Variants in CHCHD3 observed in about 807,000 individuals in gnomAD.
CHCHD3 encodes the protein coiled-coil-helix-coiled-coil-helix domain containing 3, also known as MICOS complex subunit MIC19.
Under a neutral mutation model 38.2 loss-of-function variants are expected in CHCHD3, and 20 were observed. The ratio of observed to expected loss-of-function variants is 0.52; its 90% CI spans 0.37 to 0.76. The LOEUF (loss-of-function observed/expected upper bound fraction) is 0.76, where lower values mean the gene tolerates loss of function less well. CHCHD3 is among the 30% of genes least tolerant of loss of function. CHCHD3 has a pLI of 0.00. For missense variants in CHCHD3, 245 were observed against 279.2 expected (o/e 0.88, Z 0.87); for synonymous variants, 82 against 100.0 (o/e 0.82, Z 1.07).
chr7:132,928,110 G>A (rs551033971), intron 4 of CHCHD3, among the ~76,000 whole-genome samples: 1 of 152,244 alleles, frequency 6.6e-6, no homozygotes, highest in East Asian at 1.9e-4. Context: ...GCCTGATTCA[G>A]AGGGAATCCC....
chr7:133,041,037 A>G (rs543697538), intron 2 of CHCHD3, among the ~76,000 whole-genome samples: 47 of 152,300 alleles, frequency 3.1e-4, no homozygotes, highest in Middle Eastern at 6.8e-3. Context: ...TTCTCTGCCC[A>G]TGGCATCACA....
intron 3 of CHCHD3, among the ~76,000 whole-genome samples, chr7:133,013,970 G>C (rs1050816277): frequency 2.6e-5 from 4 of 152,072 alleles, no homozygotes; most frequent in Non-Finnish European, 5.9e-5. Context: ...TAGAAATAAT[G>C]GAAGAATTGC....
rs182518691 is a variant in CHCHD3, at chr7:133,021,425, G to C, written c.251+3121C>G. ...GGGAACTATTTCCTCACCACACACAGTTTTAGAAACATCCAGTTCTCCCCT... is the reference window on the plus strand; with the variant it reads ...GGGAACTATTTCCTCACCACACACACTTTTAGAAACATCCAGTTCTCCCCT... On this transcript the variant is annotated intron_variant, in intron 3 of 7. Coordinates refer to ENST00000262570, the MANE Select transcript of CHCHD3 (RefSeq NM_017812.4). Among the ~76,000 whole-genome samples, 24 of 152,230 alleles carry C rather than the reference G, an allele frequency of 1.6e-4. No homozygotes were observed. The East Asian group carries it at 4.6e-3, about 29-fold the overall frequency.
At chr7:132,805,013 G>A (rs544835480) in intron 6 of CHCHD3, among the ~76,000 whole-genome samples, 1 of 152,314 alleles carries the variant, frequency 6.6e-6, no homozygotes, top group East Asian at 1.9e-4. Flanking sequence ...CCCAAAATGG[G>A]GCCAATAGGC....
chr7:133,049,425 G>A (rs1814087139), intron 2 of CHCHD3, among the ~76,000 whole-genome samples: 1 of 152,132 alleles, frequency 6.6e-6, no homozygotes, highest in African/African-American at 2.4e-5. Context: ...ATTTATTGTA[G>A]GCAGACTTAA....
intron 5 of CHCHD3, among the ~76,000 whole-genome samples, chr7:132,857,170 TA>T (rs1212361823): frequency 1.3e-5 from 2 of 152,168 alleles, no homozygotes; most frequent in African/African-American, 2.4e-5. Flanking sequence ...AAATAGAACA[TA>T]AAACAAAAGG....
chr7:132,851,378 A>G (rs1481653167), intron 5 of CHCHD3, among the ~76,000 whole-genome samples: 1 of 152,084 alleles, frequency 6.6e-6, no homozygotes, highest in Non-Finnish European at 1.5e-5. Flanking sequence ...TTAGATTGGG[A>G]CTTCTCATTT....
chr7:132,973,258 G>C (rs1028690833), intron 4 of CHCHD3: 1 of 985,344 alleles, frequency 1.0e-6, no homozygotes, highest in Non-Finnish European at 1.2e-6. Flanking sequence ...TCTTCTGCCC[G>C]CTGGAAACTA....
intron 5 of CHCHD3, among the ~76,000 whole-genome samples, chr7:132,851,724 A>C (rs1808223059): frequency 6.6e-6 from 1 of 152,186 alleles, no homozygotes; most frequent in Admixed American, 6.5e-5. Context: ...CATTCTCTCA[A>C]GGGCTGTGTG....
At chr7:133,040,487 A>C (rs1157294811) in intron 2 of CHCHD3, among the ~76,000 whole-genome samples, 1 of 152,092 alleles carries the variant, frequency 6.6e-6, no homozygotes, top group Non-Finnish European at 1.5e-5. Context: ...GCTGCAACAG[A>C]CCTGAATAAA....
chr7:133,081,039 T>C (rs1220728848), intron 1 of CHCHD3, among the ~76,000 whole-genome samples: 2 of 152,178 alleles, frequency 1.3e-5, no homozygotes, highest in African/African-American at 4.8e-5. Context: ...AGTGCTGGTA[T>C]ACTGACACCC....
At chr7:133,001,550 A>C (rs949317481) in intron 3 of CHCHD3, among the ~76,000 whole-genome samples, 4 of 152,226 alleles carry the variant, frequency 2.6e-5, no homozygotes, top group African/African-American at 9.6e-5. Flanking sequence ...TAATCTGATA[A>C]GAAAAAAAGT....
rs1159437542 is a variant in CHCHD3 at position 132,844,071 on chromosome 7, G to T, written c.454-5602C>A. On this transcript the variant is annotated intron_variant, in intron 5 of 7. Coordinates refer to ENST00000262570, the MANE Select transcript of CHCHD3 (RefSeq NM_017812.4). The stretch of plus-strand genomic sequence containing the variant: ...TCCCAACACCTTGGGAAGCTAAGGC[G>T]GGCGGATCACTTGAGGCCAGGAATT... 1.0e-3 allele frequency among the ~76,000 whole-genome samples: 153 copies of T among 152,210 alleles called. 2 individuals are homozygous for T. The highest frequency in any genetic ancestry group is 1.2e-4 in the Non-Finnish European group (8 of 68,044).
At chr7:132,928,914 C>T (rs1397034466) in intron 4 of CHCHD3, among the ~76,000 whole-genome samples, 1 of 152,108 alleles carries the variant, frequency 6.6e-6, no homozygotes, top group Non-Finnish European at 1.5e-5. Flanking sequence ...CCTACTCCCT[C>T]CTCAAATCCT....
At chr7:133,058,326 G>A (rs1465978713) in intron 2 of CHCHD3, among the ~76,000 whole-genome samples, 4 of 151,474 alleles carry the variant, frequency 2.6e-5, no homozygotes, top group African/African-American at 7.3e-5. Context: ...TTCCAAGCTC[G>A]ATCTCCTGGG....
At chr7:132,925,149 T>G (rs1002917250) in intron 4 of CHCHD3, among the ~76,000 whole-genome samples, 15 of 151,676 alleles carry the variant, frequency 9.9e-5, no homozygotes, top group Non-Finnish European at 2.2e-4. Context: ...CCTTATGAGA[T>G]AATACCAATA....
intron 5 of CHCHD3, among the ~76,000 whole-genome samples, chr7:132,873,733 T>TTAAA (rs1375040518): frequency 6.6e-6 from 1 of 151,446 alleles, no homozygotes; most frequent in East Asian, 1.9e-4. Context: ...TCTATTTAGG[T>TTAAA]TAAAGATTGT....
chr7:132,955,944 T>C (rs761458036), intron 4 of CHCHD3, among the ~76,000 whole-genome samples: 20 of 152,134 alleles, frequency 1.3e-4, no homozygotes, highest in African/African-American at 4.8e-4. Flanking sequence ...AAAACTGACT[T>C]AGCGGGATTC....
intron 5 of CHCHD3, among the ~76,000 whole-genome samples, chr7:132,848,254 A>G (rs1046240728): frequency 6.6e-6 from 1 of 152,224 alleles, no homozygotes; most frequent in Non-Finnish European, 1.5e-5. Flanking sequence ...CCAATGTCAA[A>G]TAACGGCAGT....
Sources: allele counts gnomAD v4.1 joint callset (sites outside exome capture counted in the v4.1 genomes callset), GRCh38; gene constraint gnomAD v4.1.1; transcripts MANE v1.5; gene names NCBI Gene and HGNC (gene_info 2026-07-23, HGNC 2026-07-21).